Variants in CNOT6 observed in about 807,000 individuals in gnomAD.
The protein encoded by CNOT6 is carbon catabolite repression 4 protein.
Under a neutral mutation model 61.2 loss-of-function variants are expected in CNOT6, and 12 were observed. The ratio of observed to expected loss-of-function variants is 0.20; its 90% CI spans 0.13 to 0.32. The LOEUF (loss-of-function observed/expected upper bound fraction) is 0.32. Among genes scored for constraint, CNOT6 ranks in the 10% least tolerant of loss-of-function variants. CNOT6 has a pLI of 1.00. For synonymous variants in CNOT6, 225 were observed against 240.6 expected (o/e 0.94, Z 0.60); for missense variants, 405 against 663.9 (o/e 0.61, Z 4.28).
At chr5:180,501,525 A>G (rs1756869071) in intron 1 of CNOT6, among the ~76,000 whole-genome samples, 1 of 152,200 alleles carries the variant, frequency 6.6e-6, no homozygotes, top group African/African-American at 2.4e-5. Flanking sequence ...AGATTTGGTC[A>G]TTGTATAGTT....
Position 180,498,275 on chromosome 5 carries a change from G to A in CNOT6, c.-3+3512G>A, listed in dbSNP as rs533741884. On this transcript the variant is annotated intron_variant, in intron 1 of 11. Coordinates refer to ENST00000261951, the MANE Select transcript of CNOT6 (RefSeq NM_001370472.1). ...ATTTTCTTGGTAACTTCAGTTACAC[G>A]TTAAGGTATGTACTGGCCATAGTGT... 1.4e-3 allele frequency among the ~76,000 whole-genome samples: 210 copies of A among 152,238 alleles called. 3 individuals are homozygous for A. Among genetic ancestry groups the A allele is most frequent in the African/African-American group, 4.7e-3 (194 of 41,556 alleles).
At chr5:180,503,923 ACT>A (rs1217743695) in intron 1 of CNOT6, among the ~76,000 whole-genome samples, 2 of 151,380 alleles carry the variant, frequency 1.3e-5, no homozygotes, top group Non-Finnish European at 2.9e-5. Context: ...TTCTTAACAC[ACT>A]CTCATGGTAT....
chr5:180,541,350 G>A (rs1157147674), intron 2 of CNOT6, among the ~76,000 whole-genome samples: 1 of 151,028 alleles, frequency 6.6e-6, no homozygotes, highest in Non-Finnish European at 1.5e-5. Flanking sequence ...TGTTGGCCAG[G>A]CTGGCCTCGA....
In CNOT6 at chr5:180,549,921, T is replaced by C. The variant is rs1389181204; in HGVS notation, c.113-10T>C. On this transcript the variant is annotated splice_polypyrimidine_tract_variant and intron_variant, in intron 2 of 11. Coordinates refer to ENST00000261951, the MANE Select transcript of CNOT6 (RefSeq NM_001370472.1). Reference sequence around the variant, plus strand: ...TATATAATCCGTTCCTGTATTTTTTTCTCTTACAGGAAAAGTAAGAAGCTT... The same window carrying C: ...TATATAATCCGTTCCTGTATTTTTTCCTCTTACAGGAAAAGTAAGAAGCTT... 1 of 1,590,732 alleles carries C rather than the reference T, an allele frequency of 6.3e-7. No homozygotes were observed. The highest frequency in any genetic ancestry group is 8.6e-7 in the Non-Finnish European group (1 of 1,163,016).
intron 6 of CNOT6, among the ~76,000 whole-genome samples, 174 bp downstream of exon 6, chr5:180,564,917 T>TG (rs1392536622): frequency 6.6e-6 from 1 of 152,256 alleles, no homozygotes; most frequent in Admixed American, 6.5e-5. Context: ...TATACTACAT[T>TG]GTGCTATATA....
At chr5:180,537,621 G>T (rs1758765687) in intron 2 of CNOT6, among the ~76,000 whole-genome samples, 1 of 152,090 alleles carries the variant, frequency 6.6e-6, no homozygotes, top group African/African-American at 2.4e-5. Flanking sequence ...ATTTAAATGG[G>T]ACTTTGGGAT....
At chr5:180,558,947 G>A (rs559800473) in intron 4 of CNOT6, among the ~76,000 whole-genome samples, 85 of 152,220 alleles carry the variant, frequency 5.6e-4, no homozygotes, top group Non-Finnish European at 1.1e-3. Context: ...CTTGGTTCTC[G>A]ATTTTTAATA....
At chr5:180,548,806 C>A (rs552416936) in intron 2 of CNOT6, among the ~76,000 whole-genome samples, 6 of 152,236 alleles carry the variant, frequency 3.9e-5, no homozygotes, top group Admixed American at 3.9e-4. Context: ...TTTTCTTCAG[C>A]CAATAGAAAA....
intron 1 of CNOT6, among the ~76,000 whole-genome samples, chr5:180,525,126 A>T (rs182196285): frequency 1.3e-5 from 2 of 152,326 alleles, no homozygotes; most frequent in African/African-American, 4.8e-5. Context: ...TTCTATATTG[A>T]AGAAACTAAC....
chr5:180,561,803 T>A (rs1760204784), intron 4 of CNOT6, among the ~76,000 whole-genome samples: 1 of 152,218 alleles, frequency 6.6e-6, no homozygotes, highest in Non-Finnish European at 1.5e-5. Context: ...TCCTCTTTAT[T>A]GCAGGGAGAT....
At chr5:180,558,213 G>C (rs1759995692) in intron 4 of CNOT6, among the ~76,000 whole-genome samples, 1 of 152,184 alleles carries the variant, frequency 6.6e-6, no homozygotes, top group African/African-American at 2.4e-5. Flanking sequence ...ACTTTTGTCA[G>C]GACGTGGTCC....
chr5:180,561,356 T>TTGTGTGTGTGTGTGTG (rs35909953), intron 4 of CNOT6, among the ~76,000 whole-genome samples: 46 of 144,844 alleles, frequency 3.2e-4, no homozygotes, highest in East Asian at 2.7e-3. Flanking sequence ...CTTGTGTGTT[T>TTGTGTGTGTGTGTGTG]TGTGTGTGTG....
At chr5:180,518,797 T>C (rs1360793984) in intron 1 of CNOT6, among the ~76,000 whole-genome samples, 1 of 152,206 alleles carries the variant, frequency 6.6e-6, no homozygotes, top group Non-Finnish European at 1.5e-5. Flanking sequence ...CTGGCCAGTG[T>C]TTCCGTTTAA....
intron 8 of CNOT6, 32 bp from the exon 9 acceptor site, chr5:180,567,815 CTG>C (rs146190811): frequency 0.016 from 18,408 of 1,130,800 alleles, 2 homozygotes; most frequent in East Asian, 0.028. Flanking sequence ...ATTCCCAACT[CTG>C]TGTGTGTGTG....
At chr5:180,551,892 G>A (rs970980166) in intron 3 of CNOT6, among the ~76,000 whole-genome samples, 5 of 148,546 alleles carry the variant, frequency 3.4e-5, no homozygotes, top group African/African-American at 9.9e-5. Context: ...TTTTGGAGAC[G>A]GAATTTTACT....
intron 3 of CNOT6, among the ~76,000 whole-genome samples, chr5:180,552,983 T>C (rs907701673): frequency 2.6e-5 from 4 of 152,206 alleles, no homozygotes; most frequent in Middle Eastern, 3.2e-3. Context: ...ATTTCCACTT[T>C]CTTAAATGTG....
intron 1 of CNOT6, among the ~76,000 whole-genome samples, chr5:180,504,887 C>A (rs1757050519): frequency 6.7e-6 from 1 of 150,036 alleles, no homozygotes; most frequent in Non-Finnish European, 1.5e-5. Flanking sequence ...GTTCTCAGTT[C>A]TAATTTGATT....
chr5:180,522,140 T>C (rs1757905791), intron 1 of CNOT6, among the ~76,000 whole-genome samples: 1 of 152,194 alleles, frequency 6.6e-6, no homozygotes, highest in African/African-American at 2.4e-5. Flanking sequence ...TATCTGTCTA[T>C]TGAGACAGAG....
chr5:180,554,247 A>G (rs548411016), intron 4 of CNOT6, among the ~76,000 whole-genome samples: 18 of 152,226 alleles, frequency 1.2e-4, no homozygotes, highest in Admixed American at 2.6e-4. Context: ...GCAAAACCCA[A>G]TCTCTACCAA....
Sources: allele counts gnomAD v4.1 joint callset (sites outside exome capture counted in the v4.1 genomes callset), GRCh38; gene constraint gnomAD v4.1.1; transcripts MANE v1.5; gene names NCBI Gene and HGNC (gene_info 2026-07-23, HGNC 2026-07-21).